Variants in FGD1 observed in about 807,000 individuals in gnomAD.
The protein encoded by FGD1 is FYVE, RhoGEF and PH domain-containing protein 1.
In FGD1, 12 loss-of-function variants were observed where a neutral mutation model predicts 65.0. That is an observed-to-expected ratio of 0.18 (90% confidence interval 0.12 to 0.30). FGD1 has a LOEUF of 0.30. FGD1 is among the 10% of genes least tolerant of loss of function. The pLI is 1.00. For synonymous variants in FGD1, 333 were observed against 343.9 expected (o/e 0.97, Z 0.35); for missense variants, 542 against 837.6 (o/e 0.65, Z 4.36).
chrX:54,488,571 C>T (rs1384853080), intron 1 of FGD1, among the ~76,000 whole-genome samples: 2 of 111,078 alleles, frequency 1.8e-5, no homozygotes, highest in African/African-American at 3.3e-5. Flanking sequence ...GGTGACAGAG[C>T]GAGACTCCAT....
Position 54,495,721 on chromosome X carries a change from C to G in FGD1, c.-289G>C, listed in dbSNP as rs1475367718. On this transcript the variant is annotated 5_prime_UTR_variant, in exon 1 of 18. Transcript: ENST00000375135. ...GCGCGGGGAGTGGGCTCGGCGGGGC[C>G]GGGGGCCCGCTGGGGAGCGCTGTCT... 1 of 115,679 alleles carries G rather than the reference C, an allele frequency of 8.6e-6. No individual in the cohort carries two copies. The highest frequency in any genetic ancestry group is 1.8e-5 in the Non-Finnish European group (1 of 55,860). The allele number at this position is 115,679 out of a possible 1,213,427, so 9.5% of individuals were successfully genotyped here. A position where few individuals can be genotyped will look rare whatever the true frequency, so the allele number is the denominator to read the frequency against.
Position 54,470,708 on chromosome X carries a change from C to G in FGD1, c.534G>C (p.Glu178Asp). The change falls in exon 3 of 18, where the codon GAG (glutamate) becomes GAC (aspartate). Residue 178 changes from glutamate (E) to aspartate (D), a missense_variant. Glu to Asp is a conservative substitution (Grantham distance 45, BLOSUM62 2). Around this residue, in one of 6 missense-constraint regions of FGD1, gnomAD observed 297 missense variants for 326.8 expected, o/e 0.91. Transcript: ENST00000375135. ...LQMPRMPPPL[E>D]PIPPPPSRPL... is the part of the protein sequence containing the mutation. ...GGCGTGATGGTGGAGGGGGGATGGG[C>G]TCCAGTGGGGGGGGCATCCGGGGCA... 2.2e-6 allele frequency: 2 copies of G among 913,014 alleles called. No individual in the cohort carries two copies. The highest frequency in any genetic ancestry group is 3.0e-6 in the Non-Finnish European group (2 of 675,557). The allele number at this position is 913,014 out of a possible 1,213,427, so 75.2% of individuals were successfully genotyped here. A position where few individuals can be genotyped will look rare whatever the true frequency, so the allele number is the denominator to read the frequency against.
chrX:54,465,470 C>G lies in FGD1; in HGVS notation c.1617G>C (p.Pro539=). The change falls in exon 8 of 18, where the codon CCG becomes CCC. Residue 539 remains proline, a synonymous_variant. Coordinates refer to ENST00000375135, the MANE Select transcript of FGD1 (RefSeq NM_004463.3). Reference sequence around the variant, plus strand: ...ACTCACTTTGGGCATCCTTGCTGTCCGGGGAGCCATGGGGCAGCTTTAACA... The same window carrying G: ...ACTCACTTTGGGCATCCTTGCTGTCGGGGGAGCCATGGGGCAGCTTTAACA... ...DYLLKLPHGS[P]DSKDAQKSLE... The G allele has an allele frequency of 8.3e-7, 1 of 1,209,324 alleles. No individual in the cohort carries two copies. Among genetic ancestry groups the G allele is most frequent in the African/African-American group, 1.7e-5 (1 of 57,511 alleles).
At chrX:54,489,575 A>G (rs1923368909) in intron 1 of FGD1, among the ~76,000 whole-genome samples, 1 of 111,638 alleles carries the variant, frequency 9.0e-6, no homozygotes, top group Admixed American at 9.5e-5. Flanking sequence ...ACAGAGAAAA[A>G]AAAAAAGAAA....
chrX:54,449,313 G>C, intron 14 of FGD1, 45 bp from the exon 15 acceptor site: 1 of 1,200,045 alleles, frequency 8.3e-7, no homozygotes, highest in South Asian at 1.8e-5. Context: ...CTACTCCCCA[G>C]CCCAGTCCAG....
rs1394347262 is a variant in FGD1 at position 54,449,840 on chromosome X, C to T, written c.2047-80G>A. The T allele has an allele frequency of 1.7e-5, 12 of 706,002 alleles. No homozygotes were observed. In the Admixed American group the frequency reaches 2.6e-4, roughly 15 times the overall value. 58.2% of individuals were successfully genotyped at this position (706,002 alleles called of 1,213,427 possible). Reference sequence around the variant, plus strand: ...TCTACCCTCGCCTCACCTTCGTATACCCTAGCCTGAAGTTAGAAAAGCTGG... The same window carrying T: ...TCTACCCTCGCCTCACCTTCGTATATCCTAGCCTGAAGTTAGAAAAGCTGG... On this transcript the variant is annotated intron_variant, in intron 13 of 17. Coordinates refer to ENST00000375135, the MANE Select transcript of FGD1 (RefSeq NM_004463.3).
In FGD1 at chrX:54,462,765, C is replaced by CTT. The variant is rs1181178139; in HGVS notation, c.1636+2684_1636+2685dup. 8.4e-4 allele frequency among the ~76,000 whole-genome samples: 70 copies of CTT among 83,790 alleles called. 1 individual carries two copies. The highest frequency in any genetic ancestry group is 8.1e-3 in the Middle Eastern group (1 of 123). 72.8% of individuals were successfully genotyped at this position (83,790 alleles called of 115,157 possible). A position where few individuals can be genotyped will look rare whatever the true frequency, so the allele number is the denominator to read the frequency against. ...CTTCCTACCTTTAGGGCTGCTCCTT[C>CTT]TTTTTTTTTTTTTTTTTGAGATGGG... On this transcript the variant is annotated intron_variant, in intron 8 of 17. Coordinates refer to ENST00000375135, the MANE Select transcript of FGD1 (RefSeq NM_004463.3).
chrX:54,475,935 G>A (rs999154466), intron 1 of FGD1, among the ~76,000 whole-genome samples: 28 of 111,737 alleles, frequency 2.5e-4, no homozygotes, highest in East Asian at 2.8e-4. Context: ...GCGTGGTGGC[G>A]CATGCCTGTA....
chrX:54,459,684 G>A (rs993132574), intron 8 of FGD1, among the ~76,000 whole-genome samples: 3 of 110,917 alleles, frequency 2.7e-5, no homozygotes, highest in African/African-American at 3.3e-5. Flanking sequence ...TATCTCAGGC[G>A]GGCTCTCATT....
At chrX:54,494,447 G>A (rs1295385922) in intron 1 of FGD1, among the ~76,000 whole-genome samples, 1 of 89,528 alleles carries the variant, frequency 1.1e-5, no homozygotes, top group African/African-American at 4.5e-5. Flanking sequence ...CTCCAGGGCT[G>A]CTGAATAGTA....
At chrX:54,493,535 C>T (rs1923460401) in intron 1 of FGD1, among the ~76,000 whole-genome samples, 1 of 111,953 alleles carries the variant, frequency 8.9e-6, no homozygotes, top group African/African-American at 3.2e-5. Context: ...TGACATTTGA[C>T]CTGAGACATG....
intron 1 of FGD1, among the ~76,000 whole-genome samples, chrX:54,479,513 G>A (rs1215621201): frequency 9.0e-6 from 1 of 110,709 alleles, no homozygotes; most frequent in African/African-American, 3.3e-5. Context: ...GAAAACGTGT[G>A]TTCTGCTTGT....
intron 1 of FGD1, among the ~76,000 whole-genome samples, chrX:54,476,091 CAAAA>C (rs1260358087): frequency 9.0e-6 from 1 of 111,060 alleles, no homozygotes; most frequent in African/African-American, 3.3e-5. Context: ...AACAAACAAA[CAAAA>C]ACACCAAAAA....
chrX:54,446,078 G>T lies in FGD1; in HGVS notation c.*31C>A, dbSNP rs752251223. On this transcript the variant is annotated 3_prime_UTR_variant, in exon 18 of 18. Transcript: ENST00000375135. ...ATCAGACATGGGCAACTAGAGTGTG[G>T]GGTGGGGGCTCCCAGTTTGTCCCAA... 4 of 1,142,616 alleles carry T rather than the reference G, an allele frequency of 3.5e-6. No individual in the cohort carries two copies. The highest frequency in any genetic ancestry group is 4.8e-6 in the Non-Finnish European group (4 of 841,646). 94.2% of individuals were successfully genotyped at this position (1,142,616 alleles called of 1,213,427 possible).
Position 54,450,747 on chromosome X carries a change from G to A in FGD1, c.2016-446C>T, listed in dbSNP as rs145836053. On this transcript the variant is annotated intron_variant, in intron 12 of 17. Transcript: ENST00000375135. Reference sequence around the variant, plus strand: ...GAGAATATAGAACATAAAAGAAACCGTGTCAATAATTATCAGTTGGCCGGG... The same window carrying A: ...GAGAATATAGAACATAAAAGAAACCATGTCAATAATTATCAGTTGGCCGGG... 8.5e-3 allele frequency among the ~76,000 whole-genome samples: 942 copies of A among 111,257 alleles called. 18 individuals carry two copies. The highest frequency in any genetic ancestry group is 0.029 in the African/African-American group (891 of 30,642).
Position 54,474,149 on chromosome X carries a change from C to T in FGD1, c.308-2662G>A, listed in dbSNP as rs1364057156. Among the ~76,000 whole-genome samples the T allele has an allele frequency of 2.7e-5, 3 of 111,662 alleles. No homozygotes were observed. The East Asian group carries it at 8.4e-4, about 31-fold the overall frequency. On this transcript the variant is annotated intron_variant, in intron 1 of 17. Coordinates refer to ENST00000375135, the MANE Select transcript of FGD1 (RefSeq NM_004463.3). The stretch of plus-strand genomic sequence containing the variant: ...CAACTGTCATTTACTATGTCATACT[C>T]ATCTAACAAACACATCCACGGTGTC...
intron 8 of FGD1, among the ~76,000 whole-genome samples, chrX:54,458,274 C>T (rs766798764): frequency 1.8e-5 from 2 of 111,207 alleles, no homozygotes; most frequent in South Asian, 7.6e-4. Flanking sequence ...TGAGGCTGGG[C>T]GTGGTGGTTC....
intron 1 of FGD1, among the ~76,000 whole-genome samples, chrX:54,494,740 T>C (rs1923489088): frequency 1.8e-5 from 2 of 111,414 alleles, no homozygotes; most frequent in African/African-American, 6.5e-5. Context: ...ATGTAGGCGC[T>C]TGGCAAATGT....
At chrX:54,462,471 C>T (rs1231219413) in intron 8 of FGD1, among the ~76,000 whole-genome samples, 3 of 104,435 alleles carry the variant, frequency 2.9e-5, no homozygotes, top group East Asian at 3.0e-4. Context: ...TGGCTCACTG[C>T]AGCCTCTGCC....
Sources: gnomAD v4.1 joint callset for allele counts (sites outside exome capture counted in the v4.1 genomes callset) on GRCh38, gnomAD v4.1.1 for gene constraint, gnomAD v4.1.1 regional missense constraint, MANE v1.5 for transcripts, NCBI Gene and HGNC (gene_info 2026-07-23, HGNC 2026-07-21) for gene names.